CDH4: variants seen among roughly 807,000 people sequenced by gnomAD.
CDH4 encodes the protein cadherin-4.
Under a neutral mutation model 86.0 loss-of-function variants are expected in CDH4, and 33 were observed. The ratio of observed to expected loss-of-function variants is 0.38; its 90% CI spans 0.29 to 0.51. The LOEUF is 0.51. CDH4 is among the 20% of genes least tolerant of loss of function. CDH4 has a pLI of 0.86. For missense variants in CDH4, 1,114 were observed against 1,307.4 expected, an observed-to-expected ratio of 0.85 and a Z score of 2.28; for synonymous variants, 555 against 549.4, an observed-to-expected ratio of 1.01 and a Z score of -0.14.
chr20:61,722,102 C>G (rs1171692412), intron 2 of CDH4, among the ~76,000 whole-genome samples: 1 of 152,194 alleles, frequency 6.6e-6, no homozygotes, highest in Non-Finnish European at 1.5e-5. Flanking sequence ...GAGAAACATA[C>G]AGACAAGCAC....
intron 2 of CDH4, among the ~76,000 whole-genome samples, chr20:61,668,493 C>T (rs981365919): frequency 1.1e-4 from 16 of 152,202 alleles, no homozygotes; most frequent in South Asian, 6.2e-4. Context: ...TGTCGTGGGG[C>T]GTGCTCACCA....
At position 61,839,137 on chromosome 20, in the gene CDH4, C is replaced by T. The variant is rs77250031; in HGVS notation, c.577-5531C>T. Reference sequence around the variant, plus strand: ...CACCTCGCTGAAGAATTACATCCTTCTGGAAGAACTTGATCCAGGAGATTT... The same window carrying T: ...CACCTCGCTGAAGAATTACATCCTTTTGGAAGAACTTGATCCAGGAGATTT... On this transcript the variant is annotated intron_variant, in intron 4 of 15. Coordinates refer to ENST00000614565, the MANE Select transcript of CDH4 (RefSeq NM_001794.5). Among the ~76,000 whole-genome samples, 1,092 of 152,348 alleles carry T rather than the reference C, an allele frequency of 7.2e-3. 5 individuals carry two copies. Among genetic ancestry groups the T allele is most frequent in the South Asian group, 0.014 (70 of 4,828 alleles).
chr20:61,334,744 C>T (rs11907009), intron 2 of CDH4, among the ~76,000 whole-genome samples: 85,107 of 152,074 alleles, frequency 0.56, 23,843 homozygotes, highest in East Asian at 0.68. Context: ...GCAGGGCCTC[C>T]GTCTGTAGCC....
chr20:61,579,544 C>T (rs1417981111), intron 2 of CDH4, among the ~76,000 whole-genome samples: 2 of 152,106 alleles, frequency 1.3e-5, no homozygotes, highest in Non-Finnish European at 2.9e-5. Context: ...GCCTCAGCCT[C>T]CCAAAGTGCT....
chr20:61,525,645 G>T (rs990123268), intron 2 of CDH4, among the ~76,000 whole-genome samples: 1 of 152,182 alleles, frequency 6.6e-6, no homozygotes, highest in Admixed American at 6.5e-5. Context: ...TCTGTGCTGC[G>T]GCTGTACCCG....
intron 2 of CDH4, among the ~76,000 whole-genome samples, chr20:61,477,055 C>CCTGCAGGGGCCAGGGAGGACGTGTGGACA (rs2085541092): frequency 2.0e-5 from 3 of 152,136 alleles, no homozygotes; most frequent in African/African-American, 7.2e-5. Flanking sequence ...GCCGGGGCTG[C>CCTGCAGGGGCCAGGGAGGACGTGTGGACA]CTGCAGGGGC....
chr20:61,776,107 G>A (rs984629827), intron 4 of CDH4, among the ~76,000 whole-genome samples: 4 of 152,222 alleles, frequency 2.6e-5, no homozygotes, highest in African/African-American at 7.2e-5. Flanking sequence ...CTCGGGTAAG[G>A]ATGGGCCCAG....
intron 2 of CDH4, among the ~76,000 whole-genome samples, chr20:61,383,161 A>G (rs1479658635): frequency 1.2e-5 from 1 of 86,624 alleles, no homozygotes; most frequent in Non-Finnish European, 2.2e-5. Flanking sequence ...TGAATATATT[A>G]TATATATGAA....
chr20:61,658,775 C>T (rs760178613), intron 2 of CDH4, among the ~76,000 whole-genome samples: 2 of 152,176 alleles, frequency 1.3e-5, no homozygotes, highest in Non-Finnish European at 2.9e-5. Flanking sequence ...CCCCCCCACT[C>T]CCAGGCAGCA....
chr20:61,406,790 G>A (rs181107362), intron 2 of CDH4, among the ~76,000 whole-genome samples: 963 of 80,022 alleles, frequency 0.012, 15 homozygotes, highest in African/African-American at 0.044. Flanking sequence ...CCAGACCACC[G>A]TGTGCTCTGC....
intron 4 of CDH4, among the ~76,000 whole-genome samples, chr20:61,774,155 G>A (rs116235891): frequency 5.4e-4 from 82 of 152,322 alleles, no homozygotes; most frequent in African/African-American, 1.8e-3. Context: ...GCACAGAGCC[G>A]GCCCTCCCAC....
chr20:61,522,991 T>G (rs947567556), intron 2 of CDH4, among the ~76,000 whole-genome samples: 1 of 152,108 alleles, frequency 6.6e-6, no homozygotes, highest in Non-Finnish European at 1.5e-5. Flanking sequence ...TGCAGACCAG[T>G]TGGTAGCTCC....
In CDH4 at chr20:61,507,186, A is replaced by C. The variant is rs28627301; in HGVS notation, c.170-236377A>C. On this transcript the variant is annotated intron_variant, in intron 2 of 15. Coordinates refer to ENST00000614565, the MANE Select transcript of CDH4 (RefSeq NM_001794.5). ...ATACACATATACACAACAGACATCT[A>C]TAAATATATACATCTTCCCCAAAGG... is the stretch of plus-strand genomic sequence containing the variant. 1.6e-3 allele frequency among the ~76,000 whole-genome samples: 243 copies of C among 152,358 alleles called. 1 individual carries two copies. Among genetic ancestry groups the C allele is most frequent in the African/African-American group, 5.8e-3 (240 of 41,584 alleles).
At chr20:61,924,046 A>G (rs2122975455) in intron 10 of CDH4, among the ~76,000 whole-genome samples, 1 of 152,354 alleles carries the variant, frequency 6.6e-6, no homozygotes, top group East Asian at 1.9e-4. Context: ...CGATGGGGAC[A>G]ATGAGGGCGT....
chr20:61,309,859 G>T (rs902948576), intron 2 of CDH4, among the ~76,000 whole-genome samples: 1 of 152,140 alleles, frequency 6.6e-6, no homozygotes, highest in Non-Finnish European at 1.5e-5. Context: ...TGCATTACTT[G>T]GGAGCCTTAG....
At position 61,434,268 on chromosome 20, in the gene CDH4, G is replaced by A. The variant is rs1392050325; in HGVS notation, c.169+179331G>A. ...TGCTGAATGGTGCTCGTTAGACTTTGCATAATCGAATTTAGCCCAGCTCTA... is the reference window on the plus strand; with the variant it reads ...TGCTGAATGGTGCTCGTTAGACTTTACATAATCGAATTTAGCCCAGCTCTA... On this transcript the variant is annotated intron_variant, in intron 2 of 15. Transcript: ENST00000614565. Among the ~76,000 whole-genome samples the A allele has an allele frequency of 3.3e-5, 5 of 152,268 alleles. No homozygotes were observed. The East Asian group carries it at 9.7e-4, about 29-fold the overall frequency.
chr20:61,882,807 G>A (rs968758440), intron 7 of CDH4, among the ~76,000 whole-genome samples: 2 of 152,152 alleles, frequency 1.3e-5, no homozygotes, highest in Middle Eastern at 3.4e-3. Context: ...ACCCCAGGTG[G>A]CATGGGCCGC....
At chr20:61,710,153 C>T (rs183250361) in intron 2 of CDH4, among the ~76,000 whole-genome samples, 71 of 152,234 alleles carry the variant, frequency 4.7e-4, no homozygotes, top group African/African-American at 1.6e-3. Flanking sequence ...GCACTATCAC[C>T]CCCACTAGCC....
intron 2 of CDH4, among the ~76,000 whole-genome samples, chr20:61,520,744 CG>C (rs1287298703): frequency 6.6e-5 from 10 of 152,176 alleles, no homozygotes; most frequent in Non-Finnish European, 1.2e-4. Flanking sequence ...TTCCAGGCCC[CG>C]GATCCTGAAG....
Sources: allele counts gnomAD v4.1 joint callset (sites outside exome capture counted in the v4.1 genomes callset), GRCh38; gene constraint gnomAD v4.1.1; transcripts MANE v1.5; gene names NCBI Gene and HGNC (gene_info 2026-07-23, HGNC 2026-07-21).